Variants in BTBD10 observed in about 807,000 individuals in gnomAD.
BTBD10 encodes the protein BTB/POZ domain-containing protein 10.
Under a neutral mutation model 53.2 loss-of-function variants are expected in BTBD10, and 21 were observed. The ratio of observed to expected loss-of-function variants is 0.39; its 90% CI spans 0.28 to 0.57. The LOEUF (loss-of-function observed/expected upper bound fraction) is 0.57, where lower values mean the gene tolerates loss of function less well. Among genes scored for constraint, BTBD10 ranks in the 20% least tolerant of loss-of-function variants. The probability of loss-of-function intolerance (pLI) is 0.53; values close to 1 mark genes in which losing one functional copy is unlikely to be tolerated. For missense variants in BTBD10, 360 were observed against 594.7 expected, an observed-to-expected ratio of 0.61 and a Z score of 4.10; for synonymous variants, 149 against 192.7, an observed-to-expected ratio of 0.77 and a Z score of 1.88.
At chr11:13,411,479 G>T (rs1949943361) in intron 6 of BTBD10, among the ~76,000 whole-genome samples, 1 of 152,018 alleles carries the variant, frequency 6.6e-6, no homozygotes, top group Non-Finnish European at 1.5e-5. Context: ...AAACGTCTTT[G>T]AGAATCTCTA....
chr11:13,450,709 C>A (rs1950840936), intron 1 of BTBD10, among the ~76,000 whole-genome samples: 1 of 152,064 alleles, frequency 6.6e-6, no homozygotes, highest in Admixed American at 6.6e-5. Context: ...TAATGTAGGA[C>A]AAAGAACAGG....
At chr11:13,429,251 A>T (rs1416707783) in intron 2 of BTBD10, among the ~76,000 whole-genome samples, 1 of 152,318 alleles carries the variant, frequency 6.6e-6, no homozygotes, top group Non-Finnish European at 1.5e-5. Flanking sequence ...CATAATCCCA[A>T]TGGAAAACCA....
In BTBD10 at chr11:13,419,472, G is replaced by A; in HGVS notation, c.572C>T (p.Thr191Ile). 1 of 1,612,424 alleles carries A rather than the reference G, an allele frequency of 6.2e-7. No individual in the cohort carries two copies. The highest frequency in any genetic ancestry group is 8.5e-7 in the Non-Finnish European group (1 of 1,179,432). ...CAATAATACAAACCTGCCCAACATT[G>A]TATTTGGCTGTGCAGTAAAAATGGA... is the stretch of plus-strand genomic sequence containing the variant. Reference protein sequence around the residue: ...DPSIFTAQPNTMLGRMFGSGR... With the variant: ...DPSIFTAQPNIMLGRMFGSGR... Residue 191 changes from threonine to isoleucine, a missense_variant, in exon 4 of 9, where the codon ACA (threonine) becomes ATA (isoleucine). Physicochemically the swap from Thr to Ile is moderately conservative, Grantham distance 89. This residue lies in a region of BTBD10 where 91 missense variants were observed against 171.7 expected (regional missense o/e 0.53). Transcript: ENST00000278174.
chr11:13,451,364 C>G (rs767485889), intron 1 of BTBD10, among the ~76,000 whole-genome samples: 20 of 152,080 alleles, frequency 1.3e-4, no homozygotes, highest in Non-Finnish European at 2.6e-4. Flanking sequence ...ACAAAGACCA[C>G]CACTAGCAGG....
chr11:13,428,701 G>C (rs777239121), intron 2 of BTBD10, among the ~76,000 whole-genome samples: 3 of 152,000 alleles, frequency 2.0e-5, no homozygotes, highest in Admixed American at 6.6e-5. Flanking sequence ...AAGACCAAAT[G>C]CTCTCCATCT....
chr11:13,409,598 C>T (rs1299317488), intron 6 of BTBD10, among the ~76,000 whole-genome samples: 1 of 152,116 alleles, frequency 6.6e-6, no homozygotes, highest in Non-Finnish European at 1.5e-5. Flanking sequence ...CATTCCTTCC[C>T]ACTTAAACCT....
At chr11:13,407,449 G>A (rs1392498089) in intron 6 of BTBD10, among the ~76,000 whole-genome samples, 1 of 152,112 alleles carries the variant, frequency 6.6e-6, no homozygotes, top group Non-Finnish European at 1.5e-5. Context: ...TTTCAAATCA[G>A]TAAATGGCAT....
chr11:13,446,316 C>G (rs1226908946), intron 1 of BTBD10, among the ~76,000 whole-genome samples: 2 of 152,104 alleles, frequency 1.3e-5, no homozygotes, highest in Non-Finnish European at 2.9e-5. Context: ...AAATACTATA[C>G]TTTCCTGAGT....
chr11:13,437,579 C>T (rs549446980), intron 2 of BTBD10, among the ~76,000 whole-genome samples: 1 of 152,208 alleles, frequency 6.6e-6, no homozygotes, highest in South Asian at 2.1e-4. Context: ...TTATTGTTCC[C>T]CCACTTTACT....
In BTBD10 at chr11:13,388,800, TAGCATGCTATGGTTTCAAGGAAGATC is replaced by T. The variant is rs986752101; in HGVS notation, c.*5_*30del. The T allele has an allele frequency of 5.0e-6, 8 of 1,585,510 alleles. No individual in the cohort carries two copies. The highest frequency in any genetic ancestry group is 6.9e-6 in the Non-Finnish European group (8 of 1,164,336). On this transcript the variant is annotated 3_prime_UTR_variant, in exon 9 of 9. Transcript: ENST00000278174. ...GAGAGTACAACGTCACTGTGAAGAG[TAGCATGCTATGGTTTCAAGGAAGATC>T]AGCATCACAGCATTGGATTCTGTGC...
At chr11:13,436,987 T>C (rs946946494) in intron 2 of BTBD10, among the ~76,000 whole-genome samples, 2 of 152,148 alleles carry the variant, frequency 1.3e-5, no homozygotes, top group Non-Finnish European at 2.9e-5. Flanking sequence ...TTCACCATGT[T>C]GTCCAGGCTG....
chr11:13,436,489 C>T (rs1394860852), intron 2 of BTBD10, among the ~76,000 whole-genome samples: 1 of 152,154 alleles, frequency 6.6e-6, no homozygotes, highest in African/African-American at 2.4e-5. Context: ...ACAACAACAA[C>T]AATGCGAACA....
intron 8 of BTBD10, among the ~76,000 whole-genome samples, chr11:13,394,938 A>C (rs1949502064): frequency 6.6e-6 from 1 of 151,308 alleles, no homozygotes; most frequent in African/African-American, 2.4e-5. Flanking sequence ...AATCCAGTCT[A>C]TCATTGTTGG....
At chr11:13,414,206 G>A (rs564628058) in intron 5 of BTBD10, among the ~76,000 whole-genome samples, 1 of 152,080 alleles carries the variant, frequency 6.6e-6, no homozygotes, top group South Asian at 2.1e-4. Flanking sequence ...ATTATGACAA[G>A]CAATATTAAT....
chr11:13,414,586 G>A (rs991402946), intron 5 of BTBD10, among the ~76,000 whole-genome samples: 8 of 151,796 alleles, frequency 5.3e-5, no homozygotes, highest in Non-Finnish European at 7.4e-5. Context: ...CCTGGGAGGC[G>A]GAGCTTGCAG....
At chr11:13,411,833 CTT>C (rs749745152) in intron 6 of BTBD10, among the ~76,000 whole-genome samples, 10 of 142,988 alleles carry the variant, frequency 7.0e-5, no homozygotes, top group Admixed American at 1.4e-4. Context: ...TCAACTAAAA[CTT>C]TTTTTTTTTT....
chr11:13,426,841 G>A (rs529945770), intron 2 of BTBD10, among the ~76,000 whole-genome samples: 2 of 152,112 alleles, frequency 1.3e-5, no homozygotes, highest in South Asian at 4.2e-4. Context: ...TGGGACAAAC[G>A]GAAAATAAAT....
intron 8 of BTBD10, among the ~76,000 whole-genome samples, chr11:13,392,675 G>A (rs1038792210): frequency 1.3e-5 from 2 of 152,124 alleles, no homozygotes; most frequent in African/African-American, 2.4e-5. Flanking sequence ...AACTTTCAGT[G>A]ATAAGAGCCA....
intron 8 of BTBD10, among the ~76,000 whole-genome samples, chr11:13,401,400 C>A (rs10500780): frequency 0.13 from 19,323 of 152,006 alleles, 1,546 homozygotes; most frequent in South Asian, 0.32. Flanking sequence ...AGGAACTAGA[C>A]CACATGTTAG....
Sources: allele counts gnomAD v4.1 joint callset (sites outside exome capture counted in the v4.1 genomes callset), GRCh38; gene constraint gnomAD v4.1.1; regional missense constraint gnomAD v4.1.1; transcripts MANE v1.5; gene names NCBI Gene and HGNC (gene_info 2026-07-23, HGNC 2026-07-21).